ME3: variants seen among roughly 807,000 people sequenced by gnomAD.
The protein encoded by ME3 is NADP-dependent malic enzyme, mitochondrial.
A neutral mutation model predicts 68.9 loss-of-function variants in ME3; 48 were observed. That is an observed-to-expected ratio of 0.70 (90% CI 0.55 to 0.89). The LOEUF is 0.89. ME3 is among the 40% of genes least tolerant of loss of function. The pLI is 0.00. For synonymous variants in ME3, 320 were observed against 318.8 expected (o/e 1.00, Z -0.04); for missense variants, 675 against 797.4 (o/e 0.85, Z 1.85).
chr11:86,512,757 G>A (rs768235103), intron 4 of ME3, among the ~76,000 whole-genome samples: 7 of 152,224 alleles, frequency 4.6e-5, no homozygotes, highest in Middle Eastern at 6.8e-3. Flanking sequence ...CACTAAAGTG[G>A]GGCAGGGTAG....
At chr11:86,567,601 C>T (rs918938619) in intron 2 of ME3, among the ~76,000 whole-genome samples, 5 of 152,218 alleles carry the variant, frequency 3.3e-5, no homozygotes, top group Non-Finnish European at 5.9e-5. Flanking sequence ...CTTCTCTCTA[C>T]AAGGAGAAAT....
At chr11:86,465,233 G>A in intron 7 of ME3, 33 bp from the exon 8 acceptor site, 1 of 1,512,392 alleles carries the variant, frequency 6.6e-7, no homozygotes, top group East Asian at 2.3e-5. Context: ...ACCCATGATT[G>A]CCTCTCTGAG....
At chr11:86,475,288 C>T (rs1312493250) in intron 7 of ME3, among the ~76,000 whole-genome samples, 1 of 152,154 alleles carries the variant, frequency 6.6e-6, no homozygotes, top group Non-Finnish European at 1.5e-5. Context: ...AGTACCTCCC[C>T]TTTTGCTCTC....
intron 2 of ME3, among the ~76,000 whole-genome samples, chr11:86,628,119 C>T (rs1223245086): frequency 1.3e-5 from 2 of 152,186 alleles, no homozygotes; most frequent in Non-Finnish European, 1.5e-5. Context: ...GCTGGCATCT[C>T]AAACTGAGAG....
At chr11:86,453,515 G>A (rs993838520) in intron 8 of ME3, among the ~76,000 whole-genome samples, 2 of 152,140 alleles carry the variant, frequency 1.3e-5, no homozygotes, top group Admixed American at 1.3e-4. Context: ...AGATGAGGGG[G>A]ATAATATGCT....
At chr11:86,642,269 G>C (rs1944716698) in intron 2 of ME3, among the ~76,000 whole-genome samples, 1 of 152,172 alleles carries the variant, frequency 6.6e-6, no homozygotes, top group Non-Finnish European at 1.5e-5. Flanking sequence ...CTAAGAAAAA[G>C]AAGGAAGTCT....
intron 2 of ME3, among the ~76,000 whole-genome samples, chr11:86,611,351 T>C (rs1942559380): frequency 6.6e-6 from 1 of 151,984 alleles, no homozygotes; most frequent in Non-Finnish European, 1.5e-5. Context: ...GGTGAGTAAG[T>C]TCTGAAGATC....
chr11:86,485,728 C>A (rs1473824929), intron 7 of ME3, among the ~76,000 whole-genome samples: 1 of 152,166 alleles, frequency 6.6e-6, no homozygotes, highest in Non-Finnish European at 1.5e-5. Context: ...CAATTATAAT[C>A]ATTCCCTTGA....
At chr11:86,461,579 T>G (rs1950226617) in intron 8 of ME3, among the ~76,000 whole-genome samples, 1 of 152,124 alleles carries the variant, frequency 6.6e-6, no homozygotes, top group African/African-American at 2.4e-5. Flanking sequence ...GGAGCTTGAG[T>G]TGTCCTGCAC....
At chr11:86,641,889 A>G (rs1240611291) in intron 2 of ME3, among the ~76,000 whole-genome samples, 5 of 152,194 alleles carry the variant, frequency 3.3e-5, no homozygotes, top group Non-Finnish European at 7.4e-5. Context: ...TTTTAAAAAA[A>G]AACTTTAAAC....
At chr11:86,591,062 AGT>A (rs1166657696) in intron 2 of ME3, among the ~76,000 whole-genome samples, 1 of 152,178 alleles carries the variant, frequency 6.6e-6, no homozygotes, top group African/African-American at 2.4e-5. Flanking sequence ...TTTCAAACCT[AGT>A]GAGTGGGCTA....
At chr11:86,659,030 G>A (rs1218436830) in intron 2 of ME3, among the ~76,000 whole-genome samples, 1 of 152,122 alleles carries the variant, frequency 6.6e-6, no homozygotes, top group African/African-American at 2.4e-5. Context: ...AGATAAGAAA[G>A]GAGAGTATGA....
chr11:86,590,932 A>G (rs911976649), intron 2 of ME3, among the ~76,000 whole-genome samples: 1 of 152,202 alleles, frequency 6.6e-6, no homozygotes, highest in Non-Finnish European at 1.5e-5. Flanking sequence ...TACCAGTGCA[A>G]ATGGAGTAGA....
At chr11:86,471,280 C>A (rs1950772470) in intron 7 of ME3, among the ~76,000 whole-genome samples, 1 of 151,176 alleles carries the variant, frequency 6.6e-6, no homozygotes, top group Admixed American at 6.6e-5. Context: ...GAACTACAGG[C>A]ATGCACCACC....
intron 7 of ME3, among the ~76,000 whole-genome samples, chr11:86,482,723 G>C (rs531890505): frequency 6.6e-6 from 1 of 151,824 alleles, no homozygotes; most frequent in East Asian, 1.9e-4. Context: ...CATGTAAAAC[G>C]TTCAGCTATC....
At chr11:86,641,558 A>G (rs1281142310) in intron 2 of ME3, among the ~76,000 whole-genome samples, 7 of 152,212 alleles carry the variant, frequency 4.6e-5, no homozygotes, top group Non-Finnish European at 8.8e-5. Flanking sequence ...TCTTTTGAAG[A>G]GGAAGTGAAT....
chr11:86,530,967 G>A (rs1594321232), intron 4 of ME3, among the ~76,000 whole-genome samples: 1 of 152,166 alleles, frequency 6.6e-6, no homozygotes, highest in East Asian at 1.9e-4. Context: ...AACACCAAAA[G>A]CAATGGCAAC....
chr11:86,621,797 G>T (rs1943366216), intron 2 of ME3, among the ~76,000 whole-genome samples: 1 of 151,954 alleles, frequency 6.6e-6, no homozygotes, highest in Non-Finnish European at 1.5e-5. Context: ...GAGAGGGAAG[G>T]TCTGAGGAGA....
At chr11:86,625,797 AT>A (rs1376667008) in intron 2 of ME3, among the ~76,000 whole-genome samples, 1 of 152,186 alleles carries the variant, frequency 6.6e-6, no homozygotes, top group Non-Finnish European at 1.5e-5. Flanking sequence ...CTGAAACAAG[AT>A]TGTCTGAGTT....
Sources: allele counts gnomAD v4.1 joint callset (sites outside exome capture counted in the v4.1 genomes callset), GRCh38; gene constraint gnomAD v4.1.1; transcripts MANE v1.5; gene names NCBI Gene and HGNC (gene_info 2026-07-23, HGNC 2026-07-21).